Variants in KLF12 observed in about 807,000 individuals in gnomAD.
KLF12 encodes the protein KLF transcription factor 12.
Under a neutral mutation model 37.8 loss-of-function variants are expected in KLF12, and 9 were observed. The ratio of observed to expected loss-of-function variants is 0.24; its 90% CI spans 0.14 to 0.42. The LOEUF (loss-of-function observed/expected upper bound fraction) is 0.42. KLF12 is among the 10% of genes least tolerant of loss of function. The pLI is 1.00. For synonymous variants in KLF12, 208 were observed against 202.1 expected (o/e 1.03, Z -0.25); for missense variants, 411 against 516.0 (o/e 0.80, Z 1.97).
chr13:74,252,654 T>A, the KLF12 span, among the ~76,000 whole-genome samples: 1 of 152,246 alleles, frequency 6.6e-6, no homozygotes, highest in Admixed American at 6.5e-5. Context: ...ATCAAATTAT[T>A]TATTATCCTT....
At chr13:73,820,014 G>T (rs1883435760) in intron 4 of KLF12, among the ~76,000 whole-genome samples, 1 of 152,178 alleles carries the variant, frequency 6.6e-6, no homozygotes, top group Non-Finnish European at 1.5e-5. Context: ...GGCATGCAGA[G>T]TACAGAGGGC....
intron 1 of KLF12, among the ~76,000 whole-genome samples, chr13:74,126,880 C>A (rs1877970974): frequency 2.0e-5 from 3 of 152,162 alleles, no homozygotes; most frequent in African/African-American, 7.2e-5. Flanking sequence ...GCTACCAGTA[C>A]CTGTTTACTA....
In KLF12 at chr13:73,947,062, C is replaced by CAAACATATCAAA. The variant is rs1335175793; in HGVS notation, c.34-2993_34-2992insTTTGATATGTTT. ...TGGAACTGCTGTCAAACATATCTTGCCATGATCTTAATCAAAACACATTTG... is the reference window on the plus strand; with the variant it reads ...TGGAACTGCTGTCAAACATATCTTGCAAACATATCAAACATGATCTTAATCAAAACACATTTG... On this transcript the variant is annotated intron_variant, in intron 2 of 7. Transcript: ENST00000377669. 2.6e-5 allele frequency among the ~76,000 whole-genome samples: 4 copies of CAAACATATCAAA among 152,174 alleles called. No homozygotes were observed. In the East Asian group the frequency reaches 7.7e-4, roughly 29 times the overall value.
At chr13:74,284,594 C>T in the KLF12 span, among the ~76,000 whole-genome samples, 1 of 152,168 alleles carries the variant, frequency 6.6e-6, no homozygotes, top group Non-Finnish European at 1.5e-5. Context: ...GAGTCAGAAG[C>T]TAAGGCCCAG....
At chr13:73,827,885 T>C (rs1883938748) in intron 4 of KLF12, among the ~76,000 whole-genome samples, 2 of 152,176 alleles carry the variant, frequency 1.3e-5, no homozygotes, top group Non-Finnish European at 2.9e-5. Flanking sequence ...TTGGTGCATG[T>C]TTTACTATCA....
chr13:74,295,362 C>G, the KLF12 span, among the ~76,000 whole-genome samples: 5 of 152,298 alleles, frequency 3.3e-5, no homozygotes, highest in South Asian at 8.3e-4. Flanking sequence ...ATCTCCTTTC[C>G]CAATATATCT....
In KLF12 at chr13:73,813,247, T is replaced by G; in HGVS notation, c.711A>C (p.Lys237Asn). 1 of 1,614,090 alleles carries G rather than the reference T, an allele frequency of 6.2e-7. No homozygotes were observed. Among genetic ancestry groups the G allele is most frequent in the South Asian group, 1.1e-5 (1 of 91,082 alleles). Residue 237 changes from lysine to asparagine, a missense_variant, in exon 5 of 8, where the codon AAA (lysine) becomes AAC (asparagine). Coordinates refer to ENST00000377669, the MANE Select transcript of KLF12 (RefSeq NM_007249.5). Reference sequence around the variant, plus strand: ...GCAGGTCATCATCATCACTGTCACTTTTACTTTGTCTGGGAGATAGGCCTC... The same window carrying G: ...GCAGGTCATCATCATCACTGTCACTGTTACTTTGTCTGGGAGATAGGCCTC...
intron 2 of KLF12, among the ~76,000 whole-genome samples, chr13:73,988,792 T>C (rs1891891880): frequency 2.0e-5 from 3 of 152,240 alleles, no homozygotes; most frequent in African/African-American, 7.2e-5. Context: ...AAACTGACTA[T>C]ACTGTAAACA....
chr13:74,026,589 T>A lies in KLF12; in HGVS notation c.-31-31536A>T, dbSNP rs75082080. On this transcript the variant is annotated intron_variant, in intron 1 of 7. Coordinates refer to ENST00000377669, the MANE Select transcript of KLF12 (RefSeq NM_007249.5). ...GATACAGTTACATGACAATATATAA[T>A]GTTTTAAAAAGGGTTAAAATAGTAC... is the stretch of plus-strand genomic sequence containing the variant. Among the ~76,000 whole-genome samples the A allele has an allele frequency of 4.5e-3, 690 of 152,340 alleles. 1 individual carries two copies. The highest frequency in any genetic ancestry group is 7.5e-3 in the Non-Finnish European group (507 of 68,020).
rs957838667 is a variant in KLF12 at position 74,068,630 on chromosome 13, C to T, written c.-32+65109G>A. The stretch of plus-strand genomic sequence containing the variant: ...GGGGTGCAGTGGTGCAATCTCAGCA[C>T]ACTGCAGCCTACACCTCCCAGGTTC... On this transcript the variant is annotated intron_variant, in intron 1 of 7. Transcript: ENST00000377669. Among the ~76,000 whole-genome samples, 10 of 150,852 alleles carry T rather than the reference C, an allele frequency of 6.6e-5. No individual in the cohort carries two copies. In the East Asian group the frequency reaches 1.9e-3, roughly 29 times the overall value.
rs577478401 is a variant in KLF12 at position 73,691,485 on chromosome 13, T to C, written c.*4005A>G. The stretch of plus-strand genomic sequence containing the variant: ...TGAATATTAAGGCTTTCTGGGCCTA[T>C]TATGATTCATAAGAGTTACCTCACA... On this transcript the variant is annotated 3_prime_UTR_variant, in exon 8 of 8. Transcript: ENST00000377669. 5.2e-5 allele frequency: 8 copies of C among 152,774 alleles called. No homozygotes were observed. The highest frequency in any genetic ancestry group is 1.9e-4 in the African/African-American group (8 of 41,584). The allele number at this position is 152,774 out of a possible 1,614,324, so 9.5% of individuals were successfully genotyped here. A position where few individuals can be genotyped will look rare whatever the true frequency, so the allele number is the denominator to read the frequency against.
At chr13:74,050,109 G>C (rs905202543) in intron 1 of KLF12, among the ~76,000 whole-genome samples, 1 of 151,750 alleles carries the variant, frequency 6.6e-6, no homozygotes, top group Non-Finnish European at 1.5e-5. Flanking sequence ...GAGAAATTCA[G>C]AACATCTGGA....
chr13:74,044,946 T>C (rs989122446), intron 1 of KLF12, among the ~76,000 whole-genome samples: 1 of 151,360 alleles, frequency 6.6e-6, no homozygotes, highest in African/African-American at 2.4e-5. Flanking sequence ...ATCCACAATA[T>C]AAAATAAATA....
chr13:74,029,541 C>T (rs17219517), intron 1 of KLF12, among the ~76,000 whole-genome samples: 10,805 of 152,102 alleles, frequency 0.071, 510 homozygotes, highest in Non-Finnish European at 0.1. Context: ...TAAATCTTTA[C>T]GGTTCTCTGT....
intron 4 of KLF12, among the ~76,000 whole-genome samples, chr13:73,839,011 G>C (rs372932197): frequency 9.2e-5 from 14 of 152,154 alleles, no homozygotes; most frequent in Middle Eastern, 6.8e-3. Flanking sequence ...TTACCATCAA[G>C]GTTACTGGCT....
At chr13:73,970,560 A>G (rs1258325636) in intron 2 of KLF12, among the ~76,000 whole-genome samples, 1 of 152,138 alleles carries the variant, frequency 6.6e-6, no homozygotes, top group Non-Finnish European at 1.5e-5. Flanking sequence ...TAGTATCTAT[A>G]TGCTTCCAGG....
chr13:73,723,623 A>G (rs1485531563), intron 6 of KLF12, among the ~76,000 whole-genome samples: 1 of 152,182 alleles, frequency 6.6e-6, no homozygotes, highest in African/African-American at 2.4e-5. Context: ...TTATGAGAAC[A>G]GCACTTTATC....
intron 1 of KLF12, among the ~76,000 whole-genome samples, chr13:74,006,579 C>T (rs964587992): frequency 2.0e-5 from 3 of 152,190 alleles, no homozygotes; most frequent in African/African-American, 7.2e-5. Flanking sequence ...CAAGACTGTT[C>T]CCCTATACAT....
rs1254844718 is a variant in KLF12, at chr13:74,127,273, CAT to C, written c.-32+6464_-32+6465del. ...TACAAGATTTCTTTTTGCAAGAAGA[CAT>C]AAAAAATTTTTTCAGGGAAATAAAG... On this transcript the variant is annotated intron_variant, in intron 1 of 7. Transcript: ENST00000377669. Among the ~76,000 whole-genome samples, 11 of 152,270 alleles carry C rather than the reference CAT, an allele frequency of 7.2e-5. No homozygotes were observed. In the East Asian group the frequency reaches 2.1e-3, roughly 29 times the overall value.
Sources: allele counts gnomAD v4.1 joint callset (sites outside exome capture counted in the v4.1 genomes callset), GRCh38; gene constraint gnomAD v4.1.1; transcripts MANE v1.5; gene names NCBI Gene and HGNC (gene_info 2026-07-23, HGNC 2026-07-21).